Variants in ZMAT3 observed in about 807,000 individuals in gnomAD.
The protein encoded by ZMAT3 is zinc finger matrin-type protein 3.
Under a neutral mutation model 32.3 loss-of-function variants are expected in ZMAT3, and 17 were observed. That is an observed-to-expected ratio of 0.53 (90% CI 0.36 to 0.79). The LOEUF (loss-of-function observed/expected upper bound fraction) is 0.79, where lower values mean the gene tolerates loss of function less well. ZMAT3 is among the 30% of genes least tolerant of loss of function. The probability of loss-of-function intolerance (pLI) is 0.00; values close to 1 mark genes in which losing one functional copy is unlikely to be tolerated. For missense variants in ZMAT3, 329 were observed against 359.7 expected (o/e 0.91, Z 0.69); for synonymous variants, 120 against 133.1 (o/e 0.90, Z 0.68).
rs577022908 is a variant in ZMAT3 at position 179,043,421 on chromosome 3, C to T, written c.271-12422G>A. On this transcript the variant is annotated intron_variant, in intron 2 of 5. Coordinates refer to ENST00000311417, the MANE Select transcript of ZMAT3 (RefSeq NM_022470.4). ...AACAGGCCTCAGAAATAACACCACA[C>T]ATCTACAACCATCTGATCTTTGACA... is the stretch of plus-strand genomic sequence containing the variant. 2.6e-5 allele frequency among the ~76,000 whole-genome samples: 4 copies of T among 152,258 alleles called. No homozygotes were observed. The South Asian group carries it at 8.3e-4, about 32-fold the overall frequency.
chr3:179,032,641 C>T (rs538554218), intron 2 of ZMAT3, among the ~76,000 whole-genome samples: 3 of 152,044 alleles, frequency 2.0e-5, no homozygotes, highest in African/African-American at 7.2e-5. Context: ...AAGAGCACCT[C>T]TGCCCGGCCG....
rs1277041230 is a variant in ZMAT3 at position 179,022,864 on chromosome 3, C to T, written c.*2153G>A. ...TGGGTCTGAGTTGTTTAAAAATTGT[C>T]CCAAAGTATTACAGAAGAAGAATGA... On this transcript the variant is annotated 3_prime_UTR_variant, in exon 6 of 6. Transcript: ENST00000311417. The T allele has an allele frequency of 6.6e-6, 1 of 152,108 alleles. No homozygotes were observed. Among genetic ancestry groups the T allele is most frequent in the South Asian group, 2.1e-4 (1 of 4,830 alleles). The allele number at this position is 152,108 out of a possible 1,614,324, so 9.4% of individuals were successfully genotyped here. A position where few individuals can be genotyped will look rare whatever the true frequency, so the allele number is the denominator to read the frequency against.
chr3:179,038,848 C>T (rs1164960392), intron 2 of ZMAT3, among the ~76,000 whole-genome samples: 3 of 152,244 alleles, frequency 2.0e-5, no homozygotes, highest in African/African-American at 7.2e-5. Flanking sequence ...AAACAGGACA[C>T]TTCTGCCCAA....
intron 5 of ZMAT3, 80 bp downstream of exon 5, chr3:179,027,339 GCTAT>G (rs1718923335): frequency 5.7e-6 from 7 of 1,232,904 alleles, no homozygotes; most frequent in Non-Finnish European, 8.0e-6. Flanking sequence ...AATTCTCAGG[GCTAT>G]CTATTATCAT....
At chr3:179,033,083 G>T (rs926328544) in intron 2 of ZMAT3, among the ~76,000 whole-genome samples, 16 of 152,244 alleles carry the variant, frequency 1.1e-4, no homozygotes, top group African/African-American at 3.6e-4. Context: ...AGATCAGATT[G>T]TTACTGTGTC....
At chr3:179,066,401 T>C (rs1349858762) in intron 2 of ZMAT3, among the ~76,000 whole-genome samples, 3 of 152,256 alleles carry the variant, frequency 2.0e-5, no homozygotes, top group Admixed American at 6.5e-5. Flanking sequence ...GAGAAAACAA[T>C]TGACCATCAA....
chr3:179,050,588 G>T (rs777296687), intron 2 of ZMAT3, among the ~76,000 whole-genome samples: 2 of 151,984 alleles, frequency 1.3e-5, no homozygotes, highest in Non-Finnish European at 2.9e-5. Context: ...AAAAGACAAA[G>T]AAATAGGGAA....
chr3:179,030,986 C>A lies in ZMAT3; in HGVS notation c.284G>T (p.Gly95Val), dbSNP rs2108540953. The A allele has an allele frequency of 1.2e-6, 2 of 1,613,230 alleles. No individual in the cohort carries two copies. The highest frequency in any genetic ancestry group is 1.7e-6 in the Non-Finnish European group (2 of 1,179,634). Residue 95 changes from glycine to valine, a missense_variant, in exon 3 of 6, where the codon GGT (glycine) becomes GTT (valine). Coordinates refer to ENST00000311417, the MANE Select transcript of ZMAT3 (RefSeq NM_022470.4). ...TGCATAGTAATTTCGGAGTTTCTTA[C>A]CATGATTTTTACCCTAGAAATAAAA... ...AQAHYQGKNH[G>V]KKLRNYYAAN...
chr3:179,059,940 G>A (rs1037862340), intron 2 of ZMAT3, among the ~76,000 whole-genome samples: 3 of 152,106 alleles, frequency 2.0e-5, no homozygotes, highest in East Asian at 1.9e-4. Flanking sequence ...GCTCACACCC[G>A]ACCAGTAAGA....
chr3:179,058,755 C>CAAAAAAA (rs56006230), intron 2 of ZMAT3, among the ~76,000 whole-genome samples: 27 of 67,514 alleles, frequency 4.0e-4, no homozygotes, highest in Non-Finnish European at 5.2e-4. Context: ...GACTCCGTCT[C>CAAAAAAA]AAAAAAAAAA....
intron 2 of ZMAT3, among the ~76,000 whole-genome samples, chr3:179,039,944 A>G (rs537249299): frequency 1.3e-5 from 2 of 152,338 alleles, no homozygotes; most frequent in East Asian, 1.9e-4. Flanking sequence ...ACAAGCTTCA[A>G]TAGCCAATTC....
rs1455034856 is a variant in ZMAT3, at chr3:179,027,634, G to A, written c.557+12C>T. ...ATAACACTTTGGCCTCAGAGAAAAT[G>A]GCAATACCTACGAGAATGAGTTACT... is the stretch of plus-strand genomic sequence containing the variant. On this transcript the variant is annotated intron_variant, in intron 4 of 5. Transcript: ENST00000311417. The A allele has an allele frequency of 4.3e-6, 7 of 1,613,980 alleles. No individual in the cohort carries two copies. The highest frequency in any genetic ancestry group is 5.9e-6 in the Non-Finnish European group (7 of 1,179,950).
chr3:179,042,334 T>A (rs957953326), intron 2 of ZMAT3, among the ~76,000 whole-genome samples: 1 of 152,172 alleles, frequency 6.6e-6, no homozygotes, highest in African/African-American at 2.4e-5. Flanking sequence ...AATAAAATAC[T>A]GGCAAACCGA....
intron 2 of ZMAT3, among the ~76,000 whole-genome samples, chr3:179,042,559 T>C (rs934508581): frequency 6.6e-6 from 1 of 152,204 alleles, no homozygotes; most frequent in Non-Finnish European, 1.5e-5. Context: ...AATTAGGTAT[T>C]GATGGAACGT....
chr3:179,023,778 T>C lies in ZMAT3; in HGVS notation c.*1239A>G, dbSNP rs540810784. ...CTCTGTCACCCAGGCTGGAGTGCAG[T>C]GGCGCGATCTCGGCTCACTGCAAGC... On this transcript the variant is annotated 3_prime_UTR_variant, in exon 6 of 6. Transcript: ENST00000311417. The C allele has an allele frequency of 3.3e-5, 4 of 120,658 alleles. No homozygotes were observed. Among genetic ancestry groups the C allele is most frequent in the African/African-American group, 1.3e-4 (4 of 30,654 alleles). The allele number at this position is 120,658 out of a possible 1,614,324, so 7.5% of individuals were successfully genotyped here.
In ZMAT3 at chr3:179,062,487, A is replaced by G. The variant is rs111789136; in HGVS notation, c.270+4996T>C. On this transcript the variant is annotated intron_variant, in intron 2 of 5. Transcript: ENST00000311417. ...TTGGACAAAAGAAAGGGTATCTATCATTTCGAAATAAGAAGAAATGAGGTA... is the reference window on the plus strand; with the variant it reads ...TTGGACAAAAGAAAGGGTATCTATCGTTTCGAAATAAGAAGAAATGAGGTA... 2.3e-3 allele frequency among the ~76,000 whole-genome samples: 347 copies of G among 152,312 alleles called. 4 individuals are homozygous for G. The highest frequency in any genetic ancestry group is 7.8e-3 in the African/African-American group (326 of 41,578).
At chr3:179,060,861 A>G (rs1721119721) in intron 2 of ZMAT3, among the ~76,000 whole-genome samples, 1 of 152,144 alleles carries the variant, frequency 6.6e-6, no homozygotes, top group Admixed American at 6.5e-5. Context: ...CAGGTCACCA[A>G]AAAAAGAATA....
chr3:179,026,276 G>A (rs774657662), intron 5 of ZMAT3, among the ~76,000 whole-genome samples: 2 of 150,980 alleles, frequency 1.3e-5, no homozygotes, highest in Non-Finnish European at 3.0e-5. Flanking sequence ...CATTTCAGAT[G>A]GATTTCTTTC....
Position 179,030,908 on chromosome 3 carries a change from G to C in ZMAT3, c.362C>G (p.Ala121Gly), listed in dbSNP as rs757193758. The C allele has an allele frequency of 1.2e-5, 19 of 1,613,652 alleles. No individual in the cohort carries two copies. In the South Asian group the frequency reaches 2.1e-4, roughly 18 times the overall value. Residue 121 changes from alanine to glycine, a missense_variant, in exon 3 of 6, where the codon GCT becomes GGT. By Grantham distance (60) the Ala-to-Gly change is moderately conservative (BLOSUM62 0). Coordinates refer to ENST00000311417, the MANE Select transcript of ZMAT3 (RefSeq NM_022470.4). Reference sequence around the variant, plus strand: ...CGGAGGGACTGGAACAACTGGAGTAGCTGCAGGCTCGACCACATTGCTCAT... The same window carrying C: ...CGGAGGGACTGGAACAACTGGAGTACCTGCAGGCTCGACCACATTGCTCAT... ...ARMSNVVEPA[A>G]TPVVPVPPQM... is the part of the protein sequence containing the mutation.
Sources: gnomAD v4.1 joint callset for allele counts (sites outside exome capture counted in the v4.1 genomes callset) on GRCh38, gnomAD v4.1.1 for gene constraint, MANE v1.5 for transcripts, NCBI Gene and HGNC (gene_info 2026-07-23, HGNC 2026-07-21) for gene names.